The following MICAL3 variants were observed in gnomAD, a reference collection of about 807,000 sequenced individuals.
MICAL3 encodes microtubule associated monooxygenase, calponin and LIM domain containing 3, also known as [F-actin]-monooxygenase MICAL3.
A neutral mutation model predicts 207.4 loss-of-function variants in MICAL3; 62 were observed. The ratio of observed to expected loss-of-function variants is 0.30; its 90% CI spans 0.24 to 0.37. The LOEUF (loss-of-function observed/expected upper bound fraction) is 0.37. Among genes scored for constraint, MICAL3 ranks in the 10% least tolerant of loss-of-function variants. The probability of loss-of-function intolerance (pLI) is 1.00; values close to 1 mark genes in which losing one functional copy is unlikely to be tolerated. For synonymous variants in MICAL3, 1,077 were observed against 1,069.3 expected (o/e 1.01, Z -0.14); for missense variants, 2,368 against 2,635.6 (o/e 0.90, Z 2.22).
intron 1 of MICAL3, among the ~76,000 whole-genome samples, chr22:17,966,457 C>T (rs1355960487): frequency 6.6e-6 from 1 of 152,200 alleles, no homozygotes; most frequent in African/African-American, 2.4e-5. Context: ...CCAAACAATT[C>T]AATCCTTATT....
At chr22:17,906,442 C>T (rs1931724624) in intron 2 of MICAL3, 107 bp downstream of exon 2, 1 of 1,602,240 alleles carries the variant, frequency 6.2e-7, no homozygotes, top group Non-Finnish European at 8.5e-7. Context: ...CTTCTTGGCA[C>T]CCAGACCTTG....
chr22:17,987,876 G>A (rs1035774429), intron 1 of MICAL3, among the ~76,000 whole-genome samples: 9 of 152,318 alleles, frequency 5.9e-5, no homozygotes, highest in South Asian at 2.1e-4. Context: ...ATAAATCCAG[G>A]TAATAGATGG....
intron 1 of MICAL3, among the ~76,000 whole-genome samples, chr22:17,989,464 C>T (rs1921415965): frequency 6.6e-6 from 1 of 152,156 alleles, no homozygotes; most frequent in Non-Finnish European, 1.5e-5. Context: ...TCCCACCACC[C>T]AGACAGAACC....
intron 1 of MICAL3, among the ~76,000 whole-genome samples, chr22:17,995,800 C>T (rs1323915517): frequency 6.6e-6 from 1 of 152,038 alleles, no homozygotes; most frequent in East Asian, 1.9e-4. Flanking sequence ...TGACCCACCA[C>T]ACCTGGCCTC....
At chr22:17,822,381 G>C (rs184747690) in intron 23 of MICAL3, among the ~76,000 whole-genome samples, 1 of 152,216 alleles carries the variant, frequency 6.6e-6, no homozygotes, top group East Asian at 1.9e-4. Context: ...TTTGCAACGC[G>C]GGGCCGCATC....
chr22:17,895,288 C>T lies in MICAL3; in HGVS notation c.1445G>A (p.Ser482Asn). The T allele has an allele frequency of 7.4e-6, 12 of 1,613,528 alleles. No individual in the cohort carries two copies. Among genetic ancestry groups the T allele is most frequent in the Non-Finnish European group, 1.0e-5 (12 of 1,179,690 alleles). The change falls in exon 10 of 32, where the codon AGC becomes AAC. Residue 482 changes from serine to asparagine, a missense_variant. Ser to Asn is a conservative substitution (Grantham distance 46, BLOSUM62 1). This residue lies in a region of MICAL3 where 147 missense variants were observed against 137.7 expected (regional missense o/e 1.07). Coordinates refer to ENST00000441493, the MANE Select transcript of MICAL3 (RefSeq NM_015241.3). ...ATACTGACAAGAAGGTCTTACCTGG[C>T]TTGGCCGGAGGAAGTTGACGTTGAT... ...PNINVNFLRP[S>N]QVRHLYDTGE...
chr22:17,821,328 G>C (rs1045670122), intron 25 of MICAL3, 99 bp downstream of exon 25: 3 of 1,041,370 alleles, frequency 2.9e-6, no homozygotes, highest in Non-Finnish European at 4.1e-6. Context: ...CCCCAGTCTT[G>C]GTGGGACCCA....
Position 17,816,672 on chromosome 22 carries a change from C to G in MICAL3, c.5445+18G>C, listed in dbSNP as rs1192967294. On this transcript the variant is annotated intron_variant, in intron 27 of 31. Transcript: ENST00000441493. ...ACAGGGCCCCAGGCCCTGTGAAGCC[C>G]CCTGCCTGACTACCCACCTCTCGCC... 1.3e-6 allele frequency: 2 copies of G among 1,544,838 alleles called. No homozygotes were observed. Among genetic ancestry groups the G allele is most frequent in the Non-Finnish European group, 1.8e-6 (2 of 1,141,156 alleles).
At chr22:17,990,143 G>A (rs941912636) in intron 1 of MICAL3, among the ~76,000 whole-genome samples, 1 of 152,210 alleles carries the variant, frequency 6.6e-6, no homozygotes, top group Non-Finnish European at 1.5e-5. Context: ...AGGGGATCAG[G>A]AGTGAGCTAG....
At chr22:17,989,089 C>T (rs1274853036) in intron 1 of MICAL3, among the ~76,000 whole-genome samples, 2 of 152,202 alleles carry the variant, frequency 1.3e-5, no homozygotes, top group African/African-American at 2.4e-5. Flanking sequence ...CTTCCGCCGT[C>T]GCTCTGTGTT....
At chr22:18,000,415 C>A (rs1922813814) in intron 1 of MICAL3, among the ~76,000 whole-genome samples, 1 of 152,222 alleles carries the variant, frequency 6.6e-6, no homozygotes, top group South Asian at 2.1e-4. Context: ...TCAGGAAGAC[C>A]AGCCAAGATA....
At chr22:17,950,395 G>A (rs1387787352) in intron 1 of MICAL3, among the ~76,000 whole-genome samples, 2 of 136,158 alleles carry the variant, frequency 1.5e-5, no homozygotes, top group Non-Finnish European at 3.2e-5. Context: ...CCAGGCTGGA[G>A]CGCAATTGAT....
Position 17,874,213 on chromosome 22 carries a change from A to AT in MICAL3, c.2242-2191dup, listed in dbSNP as rs551253715. On this transcript the variant is annotated intron_variant, in intron 16 of 31. Transcript: ENST00000441493. ...TCCCAAGGATTGGTGCCATTTGCCC[A>AT]TTAACTTCACAGATTATACCTATTA... Among the ~76,000 whole-genome samples the AT allele has an allele frequency of 4.9e-4, 74 of 152,346 alleles. 2 individuals carry two copies. The highest frequency in any genetic ancestry group is 6.5e-4 in the Non-Finnish European group (44 of 68,026).
At position 17,887,313 on chromosome 22, in the gene MICAL3, C is replaced by T. The variant is rs756020915; in HGVS notation, c.2004+10G>A. ...AGCTTTGCAGCCCATCAAGAGACTC[C>T]TCCACATACCTTGGGAGAACGCTTC... is the stretch of plus-strand genomic sequence containing the variant. On this transcript the variant is annotated intron_variant, in intron 14 of 31. Transcript: ENST00000441493. 2 of 1,612,342 alleles carry T rather than the reference C, an allele frequency of 1.2e-6. No homozygotes were observed. Among genetic ancestry groups the T allele is most frequent in the African/African-American group, 2.7e-5 (2 of 75,014 alleles).
At chr22:17,799,370 A>G (rs144943161) in intron 29 of MICAL3, among the ~76,000 whole-genome samples, 266 of 152,330 alleles carry the variant, frequency 1.7e-3, no homozygotes, top group African/African-American at 6.3e-3. Context: ...CGGGTGACAG[A>G]GCCAGACCCT....
At chr22:17,915,072 G>A (rs1333555050) in intron 1 of MICAL3, among the ~76,000 whole-genome samples, 2 of 151,340 alleles carry the variant, frequency 1.3e-5, no homozygotes, top group Admixed American at 6.6e-5. Context: ...AAGCCTCATT[G>A]AGGATGTGGG....
intron 1 of MICAL3, among the ~76,000 whole-genome samples, chr22:17,963,903 T>C (rs1175378828): frequency 1.3e-5 from 2 of 152,210 alleles, no homozygotes; most frequent in African/African-American, 4.8e-5. Flanking sequence ...TGGGGACATA[T>C]TTTAAGGACG....
rs1436267626 is a variant in MICAL3 at position 17,902,666 on chromosome 22, C to T, written c.554G>A (p.Gly185Glu). ...IEIHVNVEFQGLIQPPEDQEN... is the reference protein window; with the variant it reads ...IEIHVNVEFQELIQPPEDQEN... The stretch of plus-strand genomic sequence containing the variant: ...TTGGTCCTCAGGAGGCTGTATAAGT[C>T]CTTGGAATTCCACATTGACGTGGAT... The change falls in exon 4 of 32, where the codon GGA (glycine) becomes GAA (glutamate). Residue 185 changes from glycine (G) to glutamate (E), a missense_variant. Coordinates refer to ENST00000441493, the MANE Select transcript of MICAL3 (RefSeq NM_015241.3). The surrounding 1 kb of genome is among the most constrained non-coding windows in gnomAD (Gnocchi z 4.5). 6.2e-7 allele frequency: 1 copy of T among 1,607,394 alleles called. No homozygotes were observed. The highest frequency in any genetic ancestry group is 8.5e-7 in the Non-Finnish European group (1 of 1,176,452).
At chr22:17,914,060 C>T (rs1932315141) in intron 1 of MICAL3, among the ~76,000 whole-genome samples, 1 of 152,146 alleles carries the variant, frequency 6.6e-6, no homozygotes, top group African/African-American at 2.4e-5. Context: ...GAGCAAGGAC[C>T]AACCCACAGT....
Sources: allele counts gnomAD v4.1 joint callset (sites outside exome capture counted in the v4.1 genomes callset), GRCh38; gene constraint gnomAD v4.1.1; regional missense constraint gnomAD v4.1.1; non-coding constraint Gnocchi (gnomAD v3.1); transcripts MANE v1.5; gene names NCBI Gene and HGNC (gene_info 2026-07-23, HGNC 2026-07-21).